Variants in TAFA1 observed in about 807,000 individuals in gnomAD.
TAFA1 encodes chemokine-like protein TAFA-1.
In TAFA1, 4 loss-of-function variants were observed where a neutral mutation model predicts 18.5. The observed-to-expected ratio is 0.22, with a 90% CI of 0.11 to 0.49. TAFA1 has a LOEUF of 0.49. Among genes scored for constraint, TAFA1 ranks in the 20% least tolerant of loss-of-function variants. The pLI is 0.98. For missense variants in TAFA1, 147 were observed against 169.0 expected, an observed-to-expected ratio of 0.87 and a Z score of 0.72; for synonymous variants, 56 against 55.2, an observed-to-expected ratio of 1.01 and a Z score of -0.06.
rs1053435381 is a variant in TAFA1 at position 68,081,149 on chromosome 3, G to T, written c.118+74405G>T. ...ATTCTTCACGTAGTTCTCGAGCCTTGGTTTTCATCTCCATCAGCTCCTTTA... is the reference window on the plus strand; with the variant it reads ...ATTCTTCACGTAGTTCTCGAGCCTTTGTTTTCATCTCCATCAGCTCCTTTA... On this transcript the variant is annotated intron_variant, in intron 2 of 4. Transcript: ENST00000478136. 5.3e-5 allele frequency among the ~76,000 whole-genome samples: 8 copies of T among 152,082 alleles called. No homozygotes were observed. The East Asian group carries it at 1.3e-3, about 26-fold the overall frequency.
intron 3 of TAFA1, among the ~76,000 whole-genome samples, chr3:68,489,459 T>C (rs2072410908): frequency 6.6e-6 from 1 of 152,228 alleles, no homozygotes; most frequent in Non-Finnish European, 1.5e-5. Flanking sequence ...AATATATCTG[T>C]AGGCCAAACT....
chr3:68,088,286 C>T (rs1019911397), intron 2 of TAFA1, among the ~76,000 whole-genome samples: 76 of 152,276 alleles, frequency 5.0e-4, no homozygotes, highest in Admixed American at 3.8e-3. Flanking sequence ...TAAATTGGTG[C>T]TATCAGGCTC....
chr3:68,219,523 A>G (rs1042181259), intron 2 of TAFA1, among the ~76,000 whole-genome samples: 8 of 152,018 alleles, frequency 5.3e-5, no homozygotes, highest in Admixed American at 3.3e-4. Flanking sequence ...CCATCCAATC[A>G]GCTTTCTTGC....
At chr3:68,378,653 G>A (rs184725092) in intron 2 of TAFA1, among the ~76,000 whole-genome samples, 179 of 152,226 alleles carry the variant, frequency 1.2e-3, no homozygotes, top group Non-Finnish European at 2.3e-3. Context: ...CTAAGAGCAG[G>A]ATGGTATGGT....
At chr3:68,361,418 T>C (rs1416374323) in intron 2 of TAFA1, among the ~76,000 whole-genome samples, 6 of 152,074 alleles carry the variant, frequency 3.9e-5, no homozygotes, top group African/African-American at 1.4e-4. Context: ...AGCGCCAATG[T>C]TCGATAGCAG....
intron 2 of TAFA1, among the ~76,000 whole-genome samples, chr3:68,016,281 C>T (rs754322269): frequency 1.3e-5 from 2 of 152,116 alleles, no homozygotes; most frequent in African/African-American, 4.8e-5. Flanking sequence ...TGCTGCATAA[C>T]GATGAATGGC....
At chr3:68,096,472 G>A (rs568841859) in intron 2 of TAFA1, among the ~76,000 whole-genome samples, 1 of 152,210 alleles carries the variant, frequency 6.6e-6, no homozygotes, top group Non-Finnish European at 1.5e-5. Flanking sequence ...TGCCAAGATA[G>A]TAGAGCTGAC....
At chr3:68,325,076 G>A (rs2068755579) in intron 2 of TAFA1, among the ~76,000 whole-genome samples, 1 of 151,922 alleles carries the variant, frequency 6.6e-6, no homozygotes, top group East Asian at 1.9e-4. Context: ...CCAGTCAAGA[G>A]TGTGTCTGTC....
At chr3:68,465,955 G>T (rs1470016535) in intron 3 of TAFA1, among the ~76,000 whole-genome samples, 1 of 152,140 alleles carries the variant, frequency 6.6e-6, no homozygotes, top group East Asian at 1.9e-4. Context: ...ACACACAACT[G>T]TAACAAAAGA....
intron 2 of TAFA1, among the ~76,000 whole-genome samples, chr3:68,076,240 A>G (rs1207864844): frequency 1.3e-5 from 2 of 151,858 alleles, no homozygotes; most frequent in African/African-American, 4.8e-5. Flanking sequence ...GCCCACACAG[A>G]AGTCAACAAG....
intron 3 of TAFA1, among the ~76,000 whole-genome samples, chr3:68,516,317 T>TTAAC (rs1273602500): frequency 6.6e-6 from 1 of 152,198 alleles, no homozygotes; most frequent in Non-Finnish European, 1.5e-5. Flanking sequence ...AATTCAGCGA[T>TTAAC]TAACTGTGTC....
At chr3:68,541,085 A>G (rs917586540) in intron 4 of TAFA1, among the ~76,000 whole-genome samples, 2 of 152,214 alleles carry the variant, frequency 1.3e-5, no homozygotes, top group African/African-American at 2.4e-5. Flanking sequence ...GTTCTGACGT[A>G]TACATCCTTT....
chr3:68,165,018 G>C (rs190691171), intron 2 of TAFA1, among the ~76,000 whole-genome samples: 8 of 152,286 alleles, frequency 5.3e-5, no homozygotes, highest in Admixed American at 4.6e-4. Context: ...AAGAATAGCT[G>C]TTCATACATG....
chr3:68,391,192 AG>A (rs1328115722), intron 2 of TAFA1, among the ~76,000 whole-genome samples: 4 of 152,302 alleles, frequency 2.6e-5, no homozygotes, highest in African/African-American at 9.6e-5. Flanking sequence ...TGAAAAACAC[AG>A]CGTGAGAACT....
At chr3:68,312,784 G>A (rs556126576) in intron 2 of TAFA1, among the ~76,000 whole-genome samples, 21 of 152,184 alleles carry the variant, frequency 1.4e-4, no homozygotes, top group Admixed American at 3.3e-4. Flanking sequence ...ACATTTTCAG[G>A]TATCTTTTCA....
intron 2 of TAFA1, among the ~76,000 whole-genome samples, chr3:68,354,662 C>T (rs1376396603): frequency 1.3e-5 from 2 of 151,972 alleles, no homozygotes; most frequent in Non-Finnish European, 2.9e-5. Context: ...TAATAAAGAA[C>T]AAATTTATTT....
intron 2 of TAFA1, among the ~76,000 whole-genome samples, chr3:68,131,885 T>G (rs138786008): frequency 6.7e-6 from 1 of 148,904 alleles, no homozygotes; most frequent in Non-Finnish European, 1.5e-5. Flanking sequence ...TTTTTTAACC[T>G]TTTTTTTTTA....
intron 2 of TAFA1, among the ~76,000 whole-genome samples, chr3:68,367,181 C>A (rs2069591270): frequency 6.6e-6 from 1 of 152,164 alleles, no homozygotes; most frequent in African/African-American, 2.4e-5. Context: ...TAAGACCCAC[C>A]TGAAGCTTTA....
chr3:68,435,097 G>T (rs2071247279), intron 3 of TAFA1, among the ~76,000 whole-genome samples: 1 of 152,084 alleles, frequency 6.6e-6, no homozygotes, highest in South Asian at 2.1e-4. Context: ...AGAGGTTAGG[G>T]TGTTAAATGA....
Sources: gnomAD v4.1 joint callset for allele counts (sites outside exome capture counted in the v4.1 genomes callset) on GRCh38, gnomAD v4.1.1 for gene constraint, MANE v1.5 for transcripts, NCBI Gene and HGNC (gene_info 2026-07-23, HGNC 2026-07-21) for gene names.